The following CAAP1 variants were observed in gnomAD, a reference collection of about 807,000 sequenced individuals.
The protein encoded by CAAP1 is caspase activity and apoptosis inhibitor 1.
CAAP1 carries 20 observed loss-of-function variants against 34.0 expected under a neutral mutation model. That is an observed-to-expected ratio of 0.59 (90% CI 0.41 to 0.86). The LOEUF (loss-of-function observed/expected upper bound fraction) is 0.86, where lower values mean the gene tolerates loss of function less well. Among genes scored for constraint, CAAP1 ranks in the 40% least tolerant of loss-of-function variants. The pLI is 0.00. For missense variants in CAAP1, 538 were observed against 450.5 expected (o/e 1.19, Z -1.76); for synonymous variants, 213 against 166.7 (o/e 1.28, Z -2.14).
intron 4 of CAAP1, among the ~76,000 whole-genome samples, chr9:26,868,240 G>T (rs1463974980): frequency 6.6e-6 from 1 of 152,142 alleles, no homozygotes; most frequent in Non-Finnish European, 1.5e-5. Context: ...TGTGATTAAG[G>T]ATCTTGAAAT....
At chr9:26,873,637 T>A (rs564579268) in intron 4 of CAAP1, among the ~76,000 whole-genome samples, 1 of 152,262 alleles carries the variant, frequency 6.6e-6, no homozygotes, top group South Asian at 2.1e-4. Flanking sequence ...TTAACTGGAA[T>A]AAAGCTTTTT....
At position 26,882,541 on chromosome 9, in the gene CAAP1, T is replaced by C. The variant is rs189536453; in HGVS notation, c.665+2269A>G. On this transcript the variant is annotated intron_variant, in intron 4 of 5. Transcript: ENST00000333916. ...CCTACATGTCCAGGCAGAAGTTAGC[T>C]GCAGGGGCGGGGCTCTCATAGAGAA... 6.6e-4 allele frequency among the ~76,000 whole-genome samples: 101 copies of C among 152,320 alleles called. 1 individual carries two copies. The highest frequency in any genetic ancestry group is 2.3e-3 in the African/African-American group (95 of 41,572).
At chr9:26,871,577 T>TAAA (rs147681252) in intron 4 of CAAP1, among the ~76,000 whole-genome samples, 5 of 117,442 alleles carry the variant, frequency 4.3e-5, no homozygotes, top group African/African-American at 1.2e-4. Context: ...ACTCTGTCTT[T>TAAA]AAAAAAAAAA....
chr9:26,866,202 C>T (rs1158288155), intron 4 of CAAP1, among the ~76,000 whole-genome samples: 1 of 152,018 alleles, frequency 6.6e-6, no homozygotes, highest in Non-Finnish European at 1.5e-5. Context: ...TAATAAGAGA[C>T]TGTTTATGTT....
At chr9:26,882,743 C>A (rs1355957876) in intron 4 of CAAP1, among the ~76,000 whole-genome samples, 1 of 152,242 alleles carries the variant, frequency 6.6e-6, no homozygotes, top group Non-Finnish European at 1.5e-5. Context: ...ACACTCAACA[C>A]CAGCATGTGA....
In CAAP1 at chr9:26,847,297, C is replaced by T. The variant is rs1223802458; in HGVS notation, c.740-4650G>A. On this transcript the variant is annotated intron_variant, in intron 5 of 5. Transcript: ENST00000333916. Reference sequence around the variant, plus strand: ...TGGCGCGATCTCGGCTCACTGCAAGCTCCACCTCCCGGGTTCACGCCATTC... The same window carrying T: ...TGGCGCGATCTCGGCTCACTGCAAGTTCCACCTCCCGGGTTCACGCCATTC... Among the ~76,000 whole-genome samples, 6 of 139,996 alleles carry T rather than the reference C, an allele frequency of 4.3e-5. No individual in the cohort carries two copies. In the Admixed American group the frequency reaches 4.6e-4, roughly 11 times the overall value. The allele number at this position is 139,996 out of a possible 152,430, so 91.8% of individuals were successfully genotyped here.
At chr9:26,851,739 G>C (rs993560783) in intron 5 of CAAP1, among the ~76,000 whole-genome samples, 1 of 152,174 alleles carries the variant, frequency 6.6e-6, no homozygotes, top group Non-Finnish European at 1.5e-5. Flanking sequence ...ACCCAAAAGG[G>C]AAAAATGAAG....
At chr9:26,853,286 G>A (rs112390244) in intron 5 of CAAP1, among the ~76,000 whole-genome samples, 6,478 of 152,218 alleles carry the variant, frequency 0.043, 469 homozygotes, top group African/African-American at 0.15. Context: ...AAGACGAGAT[G>A]GATGGTAGAA....
chr9:26,858,996 CAA>C (rs397790530), intron 5 of CAAP1, among the ~76,000 whole-genome samples: 17 of 65,496 alleles, frequency 2.6e-4, no homozygotes, highest in East Asian at 1.4e-3. Flanking sequence ...GAGACTGTCT[CAA>C]AAAAAAAAAA....
At chr9:26,846,834 T>C (rs1003017543) in intron 5 of CAAP1, among the ~76,000 whole-genome samples, 26 of 151,630 alleles carry the variant, frequency 1.7e-4, no homozygotes, top group African/African-American at 6.0e-4. Flanking sequence ...ATTACAGGCA[T>C]GCGCCACCAT....
At chr9:26,860,944 A>T (rs564198473) in intron 5 of CAAP1, 122 bp downstream of exon 5, 2 of 701,838 alleles carry the variant, frequency 2.8e-6, no homozygotes, top group East Asian at 5.2e-5. Context: ...TTTTGACCAA[A>T]TAAATTGCTC....
At chr9:26,844,547 C>T (rs1285580812) in intron 5 of CAAP1, among the ~76,000 whole-genome samples, 9 of 151,840 alleles carry the variant, frequency 5.9e-5, no homozygotes, top group South Asian at 2.1e-4. Context: ...GGGGTTGTTG[C>T]GAGATAATGA....
chr9:26,860,634 T>C (rs985203201), intron 5 of CAAP1, among the ~76,000 whole-genome samples: 5 of 151,944 alleles, frequency 3.3e-5, no homozygotes, highest in African/African-American at 1.2e-4. Context: ...CTACTAAAAA[T>C]ACAAAACATT....
chr9:26,888,363 A>G (rs570494841), intron 1 of CAAP1, among the ~76,000 whole-genome samples: 58 of 152,280 alleles, frequency 3.8e-4, no homozygotes, highest in African/African-American at 1.3e-3. Flanking sequence ...CAGCTCATAG[A>G]AGCAGGGCTT....
rs977552013 is a variant in CAAP1 at position 26,858,595 on chromosome 9, G to C, written c.739+2471C>G. Among the ~76,000 whole-genome samples, 65 of 152,158 alleles carry C rather than the reference G, an allele frequency of 4.3e-4. 2 individuals carry two copies. The highest frequency in any genetic ancestry group is 1.5e-3 in the African/African-American group (63 of 41,430). Reference sequence around the variant, plus strand: ...CCCAGCACTTTGGGAGGCTAAGGCAGGCAGATCACGAGGTCAGGAGATCAA... The same window carrying C: ...CCCAGCACTTTGGGAGGCTAAGGCACGCAGATCACGAGGTCAGGAGATCAA... On this transcript the variant is annotated intron_variant, in intron 5 of 5. Transcript: ENST00000333916.
At position 26,842,509 on chromosome 9, in the gene CAAP1, T is replaced by C; in HGVS notation, c.878A>G (p.Asp293Gly). 2 of 1,614,214 alleles carry C rather than the reference T, an allele frequency of 1.2e-6. No homozygotes were observed. Among genetic ancestry groups the C allele is most frequent in the South Asian group, 2.2e-5 (2 of 91,084 alleles). Residue 293 changes from aspartate (D) to glycine (G), a missense_variant, in exon 6 of 6, where the codon GAC becomes GGC. Physicochemically the swap from Asp to Gly is moderately conservative, Grantham distance 94. Around this residue, in one of 3 missense-constraint regions of CAAP1, gnomAD observed 514 missense variants for 408.4 expected, o/e 1.26. Coordinates refer to ENST00000333916, the MANE Select transcript of CAAP1 (RefSeq NM_024828.4). ...TVQSEAGQID[D>G]LEKDIEKSVN... is the part of the protein sequence containing the mutation. ...ACTTTTCTCAATGTCTTTCTCCAGG[T>C]CATCTATCTGACCAGCTTCACTTTG...
chr9:26,850,932 T>C (rs1342369568), intron 5 of CAAP1, among the ~76,000 whole-genome samples: 1 of 152,246 alleles, frequency 6.6e-6, no homozygotes, highest in African/African-American at 2.4e-5. Context: ...AGTATTCTAC[T>C]GAACCATTAT....
intron 4 of CAAP1, among the ~76,000 whole-genome samples, chr9:26,864,761 A>AGCGTT: frequency 6.6e-6 from 1 of 152,248 alleles, no homozygotes; most frequent in South Asian, 2.1e-4. Context: ...AACTTCAAAA[A>AGCGTT]TCAGCGTTAG....
chr9:26,870,148 T>G (rs1364470445), intron 4 of CAAP1, among the ~76,000 whole-genome samples: 1 of 151,318 alleles, frequency 6.6e-6, no homozygotes, highest in Non-Finnish European at 1.5e-5. Flanking sequence ...GCATAACACC[T>G]GATTGAAATG....
Sources: allele counts gnomAD v4.1 joint callset (sites outside exome capture counted in the v4.1 genomes callset), GRCh38; gene constraint gnomAD v4.1.1; regional missense constraint gnomAD v4.1.1; transcripts MANE v1.5; gene names NCBI Gene and HGNC (gene_info 2026-07-23, HGNC 2026-07-21).